CNST: variants seen among roughly 807,000 people sequenced by gnomAD.
CNST encodes consortin, connexin sorting protein, also known as consortin.
CNST carries 39 observed loss-of-function variants against 72.4 expected under a neutral mutation model. The ratio of observed to expected loss-of-function variants is 0.54; its 90% CI spans 0.42 to 0.70. The LOEUF is 0.70. Ranked by LOEUF, CNST falls within the 30% of genes least tolerant of loss-of-function variation. CNST has a pLI of 0.00. For synonymous variants in CNST, 332 were observed against 320.1 expected (o/e 1.04, Z -0.40); for missense variants, 871 against 868.5 (o/e 1.00, Z -0.04).
chr1:246,664,844 A>C (rs1667322162), intron 10 of CNST, among the ~76,000 whole-genome samples: 1 of 152,252 alleles, frequency 6.6e-6, no homozygotes, highest in Non-Finnish European at 1.5e-5. Flanking sequence ...ATCATGCTGC[A>C]GATCAGAAGA....
At chr1:246,602,469 G>C (rs746814920) in intron 2 of CNST, among the ~76,000 whole-genome samples, 1 of 152,134 alleles carries the variant, frequency 6.6e-6, no homozygotes. Flanking sequence ...TCAGACCCTC[G>C]CCACATGGCC....
intron 3 of CNST, among the ~76,000 whole-genome samples, chr1:246,626,711 C>T (rs1267779212): frequency 1.3e-5 from 2 of 152,050 alleles, no homozygotes; most frequent in Admixed American, 6.5e-5. Flanking sequence ...CCCGCCTCAG[C>T]CTCCCAAAGT....
intron 2 of CNST, chr1:246,606,771 C>T (rs2103050525): frequency 6.6e-6 from 1 of 152,204 alleles, no homozygotes; most frequent in South Asian, 2.1e-4. Context: ...TTATCATACG[C>T]AGGGACTCCG....
intron 6 of CNST, among the ~76,000 whole-genome samples, chr1:246,640,888 A>G (rs1665639402): frequency 6.6e-6 from 1 of 152,204 alleles, no homozygotes; most frequent in South Asian, 2.1e-4. Context: ...ATTTTTGCAT[A>G]GACGTATATG....
intron 1 of CNST, among the ~76,000 whole-genome samples, chr1:246,585,662 AATATAC>A (rs1661106096): frequency 3.5e-5 from 2 of 57,808 alleles, no homozygotes; most frequent in African/African-American, 6.0e-5. Context: ...AAAAAAAAAA[AATATAC>A]ACACACACAC....
intron 2 of CNST, among the ~76,000 whole-genome samples, chr1:246,596,624 T>G (rs1043045601): frequency 1.3e-5 from 2 of 152,224 alleles, no homozygotes; most frequent in African/African-American, 4.8e-5. Context: ...AATTCACTGA[T>G]TTTTGGTATA....
At chr1:246,646,585 A>G (rs902167670) in intron 8 of CNST, among the ~76,000 whole-genome samples, 2 of 152,028 alleles carry the variant, frequency 1.3e-5, no homozygotes, top group Non-Finnish European at 2.9e-5. Flanking sequence ...GGTTCAAGCA[A>G]TTCTCTTGCC....
rs1664961122 is a variant in CNST at position 246,633,952 on chromosome 1, A to G, written c.645A>G (p.Leu215=). The part of the protein sequence containing the change: ...DYEKAMKFIQ[L]ERLYHEQLLA... ...AGAAAGCAATGAAATTCATTCAGCTAGAACGATTGTATCATGAGCAATTGC... is the reference window on the plus strand; with the variant it reads ...AGAAAGCAATGAAATTCATTCAGCTGGAACGATTGTATCATGAGCAATTGC... The change falls in exon 5 of 11, where the codon CTA becomes CTG. Residue 215 remains leucine (L), a synonymous_variant. Coordinates refer to ENST00000366513, the MANE Select transcript of CNST (RefSeq NM_152609.3). 1 of 1,612,756 alleles carries G rather than the reference A, an allele frequency of 6.2e-7. No homozygotes were observed. The highest frequency in any genetic ancestry group is 1.3e-5 in the African/African-American group (1 of 75,020).
intron 4 of CNST, among the ~76,000 whole-genome samples, chr1:246,633,501 GGGA>G (rs1469080451): frequency 6.6e-6 from 1 of 151,614 alleles, no homozygotes; most frequent in East Asian, 1.9e-4. Context: ...CCAGCACTTT[GGGA>G]GGCCGAGGCA....
rs746346846 is a variant in CNST at position 246,647,757 on chromosome 1, T to C, written c.1556T>C (p.Leu519Ser). The change falls in exon 9 of 11, where the codon TTA (leucine) becomes TCA (serine). Residue 519 changes from leucine (L) to serine (S), a missense_variant. Transcript: ENST00000366513. Reference sequence around the variant, plus strand: ...TGTGGAAATAATCAAATATCTGACTTAGGCATACTGCTTCCAGAGGTGTGT... The same window carrying C: ...TGTGGAAATAATCAAATATCTGACTCAGGCATACTGCTTCCAGAGGTGTGT... ...VLCGNNQISD[L>S]GILLPEVCMA... 9.3e-6 allele frequency: 15 copies of C among 1,614,028 alleles called. No homozygotes were observed. Among genetic ancestry groups the C allele is most frequent in the Non-Finnish European group, 1.2e-5 (14 of 1,180,040 alleles).
At chr1:246,628,054 G>A (rs1281505788) in intron 3 of CNST, among the ~76,000 whole-genome samples, 1 of 152,102 alleles carries the variant, frequency 6.6e-6, no homozygotes, top group African/African-American at 2.4e-5. Flanking sequence ...TCTGATGGTC[G>A]AGGGCAGGAA....
chr1:246,608,706 G>A (rs940912592), intron 2 of CNST, among the ~76,000 whole-genome samples: 7 of 152,208 alleles, frequency 4.6e-5, no homozygotes, highest in African/African-American at 1.7e-4. Flanking sequence ...TTGGCCGTTA[G>A]CAGCCTAAGG....
chr1:246,660,109 C>G, intron 9 of CNST, 90 bp from the exon 10 acceptor site: 1 of 1,106,876 alleles, frequency 9.0e-7, no homozygotes, highest in South Asian at 1.9e-5. Flanking sequence ...AATAAAAATT[C>G]AAATATCTGT....
At chr1:246,631,215 G>T (rs1041872627) in intron 3 of CNST, among the ~76,000 whole-genome samples, 4 of 152,188 alleles carry the variant, frequency 2.6e-5, no homozygotes, top group Middle Eastern at 3.2e-3. Flanking sequence ...TCTGATAACT[G>T]ACAAGCCTGA....
chr1:246,596,933 G>A (rs1380126945), intron 2 of CNST, among the ~76,000 whole-genome samples: 1 of 152,178 alleles, frequency 6.6e-6, no homozygotes, highest in Non-Finnish European at 1.5e-5. Context: ...ATATTCTGTT[G>A]CATGGATAGA....
At chr1:246,590,250 T>C (rs1004693545) in intron 1 of CNST, among the ~76,000 whole-genome samples, 2 of 152,136 alleles carry the variant, frequency 1.3e-5, no homozygotes, top group African/African-American at 2.4e-5. Flanking sequence ...GACTGGGGGC[T>C]ACATGCATCA....
At chr1:246,622,848 G>A (rs542117106) in intron 3 of CNST, among the ~76,000 whole-genome samples, 2 of 152,236 alleles carry the variant, frequency 1.3e-5, no homozygotes, top group South Asian at 4.1e-4. Flanking sequence ...TTTAGAGACA[G>A]AGTCTCACTC....
At chr1:246,583,008 A>G (rs534590206) in intron 1 of CNST, among the ~76,000 whole-genome samples, 5 of 152,332 alleles carry the variant, frequency 3.3e-5, no homozygotes, top group Non-Finnish European at 1.5e-5. Flanking sequence ...CGTTAGCGTG[A>G]TGAGCAGCTG....
intron 2 of CNST, among the ~76,000 whole-genome samples, chr1:246,604,686 T>C (rs1662576986): frequency 6.6e-6 from 1 of 152,184 alleles, no homozygotes; most frequent in South Asian, 2.1e-4. Context: ...GTTATTATTT[T>C]GAGTTGCACT....
Sources: gnomAD v4.1 joint callset for allele counts (sites outside exome capture counted in the v4.1 genomes callset) on GRCh38, gnomAD v4.1.1 for gene constraint, MANE v1.5 for transcripts, NCBI Gene and HGNC (gene_info 2026-07-23, HGNC 2026-07-21) for gene names.